The following CASR variants were observed in gnomAD, a reference collection of about 807,000 sequenced individuals.
The protein encoded by CASR is calcium sensing receptor.
CASR carries 23 observed loss-of-function variants against 69.1 expected under a neutral mutation model. That is an observed-to-expected ratio of 0.33 (90% CI 0.24 to 0.47). The LOEUF (loss-of-function observed/expected upper bound fraction) is 0.47. Ranked by LOEUF, CASR falls within the 20% of genes least tolerant of loss-of-function variation. The pLI is 1.00. For synonymous variants in CASR, 541 were observed against 544.7 expected (o/e 0.99, Z 0.10); for missense variants, 924 against 1,356.1 (o/e 0.68, Z 5.00).
chr3:122,250,564 G>A (rs1054037312), intron 1 of CASR, among the ~76,000 whole-genome samples: 2 of 152,132 alleles, frequency 1.3e-5, no homozygotes, highest in Non-Finnish European at 2.9e-5. Flanking sequence ...CTGCTCACTC[G>A]AGTAAGCTGA....
intron 4 of CASR, among the ~76,000 whole-genome samples, chr3:122,263,218 G>A (rs1012757968): frequency 1.3e-5 from 2 of 152,076 alleles, no homozygotes; most frequent in Admixed American, 1.3e-4. Context: ...CAGAGAGATT[G>A]CATGACAGTG....
chr3:122,274,829 C>T (rs981781991), intron 4 of CASR, among the ~76,000 whole-genome samples: 15 of 152,220 alleles, frequency 9.9e-5, no homozygotes, highest in Non-Finnish European at 2.9e-5. Context: ...AGGCTGGACC[C>T]TGCCTTACTC....
intron 1 of CASR, among the ~76,000 whole-genome samples, chr3:122,195,899 A>G (rs989509567): frequency 9.2e-5 from 14 of 152,214 alleles, no homozygotes; most frequent in Admixed American, 5.2e-4. Context: ...CCCTTTCTGG[A>G]GGGCAATTTA....
chr3:122,205,980 A>T (rs1401972278), intron 1 of CASR, among the ~76,000 whole-genome samples: 1 of 151,824 alleles, frequency 6.6e-6, no homozygotes, highest in Non-Finnish European at 1.5e-5. Context: ...TGGAGTCTTT[A>T]GGTTTTTCTC....
rs552863962 is a variant in CASR at position 122,239,221 on chromosome 3, A to G, written c.-242-14727A>G. On this transcript the variant is annotated intron_variant, in intron 1 of 6. Transcript: ENST00000639785. ...AAGGGTGAGTCCCAAGCCTGGCAGC[A>G]TTCACCACAACCTGAGGTGCCCCTG... Among the ~76,000 whole-genome samples, 25 of 152,270 alleles carry G rather than the reference A, an allele frequency of 1.6e-4. No homozygotes were observed. In the South Asian group the frequency reaches 5.2e-3, roughly 32 times the overall value.
chr3:122,202,091 G>A (rs562785550), intron 1 of CASR, among the ~76,000 whole-genome samples: 2 of 152,036 alleles, frequency 1.3e-5, no homozygotes, highest in East Asian at 1.9e-4. Flanking sequence ...AGGTTGTAGC[G>A]AGCCGAGATC....
At chr3:122,202,293 C>T (rs2073964050) in intron 1 of CASR, among the ~76,000 whole-genome samples, 1 of 152,262 alleles carries the variant, frequency 6.6e-6, no homozygotes, top group South Asian at 2.1e-4. Flanking sequence ...TGGCGCGCGC[C>T]TGCAATGGCA....
In CASR at chr3:122,254,180, C is replaced by T. The variant is rs753659949; in HGVS notation, c.-10C>T. The stretch of plus-strand genomic sequence containing the variant: ...TGTCTCATCCCTTGCCCTGGAGAGA[C>T]GGCAGAACCATGGCATTTTATAGCT... On this transcript the variant is annotated 5_prime_UTR_variant, in exon 2 of 7. It adds an upstream start codon to the 5' untranslated region. Coordinates refer to ENST00000639785, the MANE Select transcript of CASR (RefSeq NM_000388.4). 16 of 1,612,226 alleles carry T rather than the reference C, an allele frequency of 9.9e-6. No individual in the cohort carries two copies. The highest frequency in any genetic ancestry group is 6.7e-5 in the East Asian group (3 of 44,904).
chr3:122,266,644 A>G (rs2074698025), intron 4 of CASR, among the ~76,000 whole-genome samples: 1 of 152,090 alleles, frequency 6.6e-6, no homozygotes, highest in Admixed American at 6.6e-5. Context: ...GGAAGCATAT[A>G]ATATTGGATA....
chr3:122,271,978 C>A (rs941704797), intron 4 of CASR, among the ~76,000 whole-genome samples: 1 of 151,922 alleles, frequency 6.6e-6, no homozygotes, highest in Non-Finnish European at 1.5e-5. Context: ...ATCTGTTTAC[C>A]CAATTGATGA....
At chr3:122,243,539 A>C (rs1259554905) in intron 1 of CASR, among the ~76,000 whole-genome samples, 1 of 152,166 alleles carries the variant, frequency 6.6e-6, no homozygotes, top group Non-Finnish European at 1.5e-5. Context: ...GCTGGCAAGG[A>C]TGTGAAGAAA....
Position 122,252,413 on chromosome 3 carries a change from G to GAAAGAAAGAAAGAAAGAAAGAAAGAAAGA in CASR, c.-242-1532_-242-1504dup, listed in dbSNP as rs2074501575. Among the ~76,000 whole-genome samples, 2 of 20,700 alleles carry GAAAGAAAGAAAGAAAGAAAGAAAGAAAGA rather than the reference G, an allele frequency of 9.7e-5. 1 individual carries two copies. The highest frequency in any genetic ancestry group is 2.1e-4 in the Non-Finnish European group (2 of 9,654). The allele number at this position is 20,700 out of a possible 152,430, so 13.6% of individuals were successfully genotyped here. ...AAGGAAGGAAGGAAGGAAGGAAAAAGAAAGAAAGAAAGAAAGAAAGAAAGA... is the reference window on the plus strand; with the variant it reads ...AAGGAAGGAAGGAAGGAAGGAAAAAGAAAGAAAGAAAGAAAGAAAGAAAGAAAGAAAAGAAAGAAAGAAAGAAAGAAAGA... On this transcript the variant is annotated intron_variant, in intron 1 of 6. Transcript: ENST00000639785.
chr3:122,239,207 C>T (rs1269262085), intron 1 of CASR, among the ~76,000 whole-genome samples: 7 of 152,132 alleles, frequency 4.6e-5, no homozygotes, highest in African/African-American at 1.7e-4. Flanking sequence ...AGGGTGAGTC[C>T]CAAGCCTGGC....
intron 1 of CASR, among the ~76,000 whole-genome samples, chr3:122,243,443 C>G (rs2074397481): frequency 6.6e-6 from 1 of 152,062 alleles, no homozygotes; most frequent in East Asian, 1.9e-4. Flanking sequence ...CACTGATCAT[C>G]AAAGTAATGC....
intron 1 of CASR, among the ~76,000 whole-genome samples, chr3:122,216,849 A>G (rs186379168): frequency 2.1e-3 from 326 of 152,368 alleles, no homozygotes; most frequent in African/African-American, 7.2e-3. Context: ...GATACTGTTA[A>G]TCATGCATAA....
chr3:122,235,947 G>T (rs1277401791), intron 1 of CASR, among the ~76,000 whole-genome samples: 2 of 152,214 alleles, frequency 1.3e-5, no homozygotes. Context: ...CAGGTTGCTG[G>T]TCCCACACCC....
At chr3:122,277,010 T>C (rs200121986) in intron 5 of CASR, among the ~76,000 whole-genome samples, 3 of 33,676 alleles carry the variant, frequency 8.9e-5, no homozygotes, top group African/African-American at 1.4e-4. Context: ...TGCATTTGCC[T>C]TTTTTATTAT....
In CASR at chr3:122,276,015, A is replaced by T. The variant is rs1553768128; in HGVS notation, c.1581A>T (p.Lys527Asn). 2 of 1,613,168 alleles carry T rather than the reference A, an allele frequency of 1.2e-6. No homozygotes were observed. Among genetic ancestry groups the T allele is most frequent in the Non-Finnish European group, 1.7e-6 (2 of 1,179,156 alleles). The change falls in exon 5 of 7, where the codon AAA becomes AAT. Residue 527 changes from lysine (K) to asparagine (N), a missense_variant. By Grantham distance (94) the Lys-to-Asn change is moderately conservative (BLOSUM62 0). This residue lies in a region of CASR where 310 missense variants were observed against 395.7 expected (regional missense o/e 0.78). Coordinates refer to ENST00000639785, the MANE Select transcript of CASR (RefSeq NM_000388.4). ...KGERLFINEE[K>N]ILWSGFSREV... ...AAAGACTCTTCATCAACGAGGAGAAAATCCTGTGGAGTGGGTTCTCCAGGG... is the reference window on the plus strand; with the variant it reads ...AAAGACTCTTCATCAACGAGGAGAATATCCTGTGGAGTGGGTTCTCCAGGG...
At chr3:122,200,749 A>G (rs2073940314) in intron 1 of CASR, among the ~76,000 whole-genome samples, 1 of 152,194 alleles carries the variant, frequency 6.6e-6, no homozygotes, top group Non-Finnish European at 1.5e-5. Flanking sequence ...AATTATACCT[A>G]GGAGTAAAAA....
Sources: allele counts gnomAD v4.1 joint callset (sites outside exome capture counted in the v4.1 genomes callset), GRCh38; gene constraint gnomAD v4.1.1; regional missense constraint gnomAD v4.1.1; transcripts MANE v1.5; gene names NCBI Gene and HGNC (gene_info 2026-07-23, HGNC 2026-07-21).